Variants in SGIP1 observed in about 807,000 individuals in gnomAD.
The protein encoded by SGIP1 is SH3GL interacting endocytic adaptor 1.
SGIP1 carries 38 observed loss-of-function variants against 107.5 expected under a neutral mutation model. The ratio of observed to expected loss-of-function variants is 0.35; its 90% CI spans 0.27 to 0.46. The LOEUF (loss-of-function observed/expected upper bound fraction) is 0.46, where lower values mean the gene tolerates loss of function less well. SGIP1 is among the 20% of genes least tolerant of loss of function. The probability of loss-of-function intolerance (pLI) is 1.00; values close to 1 mark genes in which losing one functional copy is unlikely to be tolerated. For synonymous variants in SGIP1, 365 were observed against 366.1 expected, an observed-to-expected ratio of 1.00 and a Z score of 0.03; for missense variants, 929 against 1,019.5, an observed-to-expected ratio of 0.91 and a Z score of 1.21.
chr1:66,542,812 G>A (rs7547570), intron 1 of SGIP1, among the ~76,000 whole-genome samples: 64,592 of 151,886 alleles, frequency 0.43, 14,129 homozygotes, highest in East Asian at 0.55. Context: ...GGAAACTAGG[G>A]CCCACTAAGG....
chr1:66,545,029 T>C (rs2056029620), intron 1 of SGIP1, among the ~76,000 whole-genome samples: 1 of 152,154 alleles, frequency 6.6e-6, no homozygotes. Context: ...GAGCTGTAGA[T>C]TGTCTTTCCT....
intron 1 of SGIP1, among the ~76,000 whole-genome samples, chr1:66,535,935 G>C (rs966550251): frequency 6.6e-6 from 1 of 152,142 alleles, no homozygotes; most frequent in African/African-American, 2.4e-5. Context: ...CACACATTCT[G>C]ATTAGATTTC....
intron 8 of SGIP1, among the ~76,000 whole-genome samples, chr1:66,665,009 A>T (rs1571487137): frequency 6.6e-6 from 1 of 152,190 alleles, no homozygotes; most frequent in African/African-American, 2.4e-5. Context: ...GTTCTGGGAT[A>T]CATGTGCACA....
chr1:66,656,441 A>G (rs994890906), intron 7 of SGIP1, among the ~76,000 whole-genome samples: 3 of 152,236 alleles, frequency 2.0e-5, no homozygotes, highest in Non-Finnish European at 1.5e-5. Context: ...ATAATCAAGT[A>G]TTTGTACTTA....
intron 18 of SGIP1, among the ~76,000 whole-genome samples, chr1:66,708,881 T>G (rs893913694): frequency 6.6e-6 from 1 of 152,202 alleles, no homozygotes; most frequent in African/African-American, 2.4e-5. Context: ...ATTTACATAC[T>G]CAGAAATCCA....
intron 2 of SGIP1, among the ~76,000 whole-genome samples, chr1:66,629,460 C>A (rs1026471948): frequency 6.6e-6 from 1 of 152,046 alleles, no homozygotes; most frequent in Admixed American, 6.6e-5. Context: ...CTGAAGGCTA[C>A]CCACAAACTA....
intron 18 of SGIP1, among the ~76,000 whole-genome samples, chr1:66,696,647 A>C (rs1049522951): frequency 6.6e-6 from 1 of 152,166 alleles, no homozygotes; most frequent in Non-Finnish European, 1.5e-5. Context: ...TAGTATTAGG[A>C]AAGATGGTCT....
At chr1:66,692,834 T>C (rs2090156945) in intron 17 of SGIP1, among the ~76,000 whole-genome samples, 1 of 152,224 alleles carries the variant, frequency 6.6e-6, no homozygotes, top group Admixed American at 6.5e-5. Flanking sequence ...TGCCCCTAAA[T>C]GACTTTGGAT....
At chr1:66,542,943 A>G (rs1338194489) in intron 1 of SGIP1, among the ~76,000 whole-genome samples, 1 of 152,182 alleles carries the variant, frequency 6.6e-6, no homozygotes, top group Non-Finnish European at 1.5e-5. Context: ...TCTTGCTCAT[A>G]TCCAAAGTGT....
upstream of SGIP1, among the ~76,000 whole-genome samples, chr1:66,533,912 G>A (rs549717567): frequency 5.9e-5 from 9 of 152,002 alleles, no homozygotes; most frequent in East Asian, 1.7e-3. Context: ...AGACGACGAG[G>A]AGGGGCGGGG....
chr1:66,706,865 C>T (rs2092557186), intron 18 of SGIP1, among the ~76,000 whole-genome samples: 1 of 151,926 alleles, frequency 6.6e-6, no homozygotes. Context: ...GCTAATATTC[C>T]CTTTGACACT....
rs1383416667 is a variant in SGIP1 at position 66,593,463 on chromosome 1, A to T, written c.11-32384A>T. ...ACAATTCTGTTTACCTTTCACATGG[A>T]TTGATGGTCAATTGTGTCATAGCAC... is the stretch of plus-strand genomic sequence containing the variant. On this transcript the variant is annotated intron_variant, in intron 1 of 24. Coordinates refer to ENST00000371037, the MANE Select transcript of SGIP1 (RefSeq NM_032291.4). Among the ~76,000 whole-genome samples, 9 of 152,182 alleles carry T rather than the reference A, an allele frequency of 5.9e-5. No homozygotes were observed. The East Asian group carries it at 1.3e-3, about 23-fold the overall frequency.
At chr1:66,587,157 G>A (rs575107608) in intron 1 of SGIP1, among the ~76,000 whole-genome samples, 8 of 152,120 alleles carry the variant, frequency 5.3e-5, no homozygotes, top group South Asian at 2.1e-4. Flanking sequence ...TTCAATCACA[G>A]CATATATCAT....
rs576679277 is a variant in SGIP1, at chr1:66,669,869, C to T, written c.484-1126C>T. On this transcript the variant is annotated intron_variant, in intron 9 of 24. Transcript: ENST00000371037. ...GAAAATGCTTATATAGCCTTAGGAA[C>T]GAGGGAAAGAAGCTTCTTATAGGTC... Among the ~76,000 whole-genome samples, 12 of 152,118 alleles carry T rather than the reference C, an allele frequency of 7.9e-5. No homozygotes were observed. The East Asian group carries it at 9.6e-4, about 12-fold the overall frequency.
At chr1:66,645,815 TATAG>T (rs2077551257) in intron 7 of SGIP1, among the ~76,000 whole-genome samples, 1 of 152,138 alleles carries the variant, frequency 6.6e-6, no homozygotes, top group South Asian at 2.1e-4. Context: ...CGTGTGTAAA[TATAG>T]ATAGATATAG....
In SGIP1 at chr1:66,672,356, T is replaced by C. The variant is rs975473801; in HGVS notation, c.560+361T>C. ...AAGAAGCCTATTTAGTTGGATACCATCTCATGATACATTCCACCTGCCACA... is the reference window on the plus strand; with the variant it reads ...AAGAAGCCTATTTAGTTGGATACCACCTCATGATACATTCCACCTGCCACA... On this transcript the variant is annotated intron_variant, in intron 11 of 24. Transcript: ENST00000371037. 3.3e-5 allele frequency among the ~76,000 whole-genome samples: 5 copies of C among 152,182 alleles called. No homozygotes were observed. In the South Asian group the frequency reaches 1.0e-3, roughly 32 times the overall value.
chr1:66,543,786 C>G (rs762736261), intron 1 of SGIP1, among the ~76,000 whole-genome samples: 4 of 152,112 alleles, frequency 2.6e-5, no homozygotes, highest in Non-Finnish European at 5.9e-5. Context: ...TCAGCTTCCC[C>G]ATTTGTAAGG....
chr1:66,538,709 A>T (rs1422079193), intron 1 of SGIP1, among the ~76,000 whole-genome samples: 1 of 152,238 alleles, frequency 6.6e-6, no homozygotes, highest in African/African-American at 2.4e-5. Flanking sequence ...GTCTCACACA[A>T]GTCCATCAAA....
At chr1:66,543,798 G>T (rs1327296328) in intron 1 of SGIP1, among the ~76,000 whole-genome samples, 1 of 152,176 alleles carries the variant, frequency 6.6e-6, no homozygotes, top group Non-Finnish European at 1.5e-5. Context: ...TTTGTAAGGG[G>T]AGAATAATGC....
Sources: allele counts gnomAD v4.1 joint callset (sites outside exome capture counted in the v4.1 genomes callset), GRCh38; gene constraint gnomAD v4.1.1; transcripts MANE v1.5; gene names NCBI Gene and HGNC (gene_info 2026-07-23, HGNC 2026-07-21).